Variants in ENOX2 observed in about 807,000 individuals in gnomAD.
ENOX2 encodes the protein APK1 antigen.
In ENOX2, 36 loss-of-function variants were observed where a neutral mutation model predicts 45.0. The ratio of observed to expected loss-of-function variants is 0.80; its 90% confidence interval spans 0.61 to 1.06. The LOEUF (loss-of-function observed/expected upper bound fraction) is 1.06, where lower values mean the gene tolerates loss of function less well. ENOX2 is among the 50% of genes least tolerant of loss of function. ENOX2 has a pLI of 0.00. For synonymous variants in ENOX2, 174 were observed against 152.3 expected (o/e 1.14, Z -1.05); for missense variants, 423 against 462.5 (o/e 0.91, Z 0.78).
intron 3 of ENOX2, among the ~76,000 whole-genome samples, chrX:130,709,841 G>A (rs1173981508): frequency 9.3e-6 from 1 of 107,687 alleles, no homozygotes; most frequent in African/African-American, 3.4e-5. Flanking sequence ...AGGTATACAC[G>A]TGCCATGGTA....
intron 4 of ENOX2, among the ~76,000 whole-genome samples, chrX:130,696,290 ACTGTGTT>A (rs2037758158): frequency 9.0e-6 from 1 of 111,083 alleles, no homozygotes; most frequent in Admixed American, 9.5e-5. Flanking sequence ...ATTCATTTAC[ACTGTGTT>A]CTTGCCTTTT....
intron 2 of ENOX2, among the ~76,000 whole-genome samples, chrX:130,810,549 C>T (rs2148446990): frequency 8.9e-6 from 1 of 112,225 alleles, no homozygotes; most frequent in African/African-American, 3.2e-5. Context: ...TTCCAGGCTT[C>T]AGACTAACCC....
At chrX:130,691,015 G>GTA (rs1328039627) in intron 4 of ENOX2, among the ~76,000 whole-genome samples, 1 of 110,160 alleles carries the variant, frequency 9.1e-6, no homozygotes, top group African/African-American at 3.3e-5. Flanking sequence ...CAACTTGCAT[G>GTA]TACACACACA....
intron 2 of ENOX2, among the ~76,000 whole-genome samples, chrX:130,808,295 G>T (rs1381049401): frequency 2.7e-5 from 3 of 111,988 alleles, no homozygotes; most frequent in Non-Finnish European, 5.6e-5. Context: ...AGTACATTAG[G>T]TATGTTAGCA....
intron 2 of ENOX2, among the ~76,000 whole-genome samples, chrX:130,795,341 T>A (rs948420273): frequency 8.9e-6 from 1 of 111,762 alleles, no homozygotes; most frequent in African/African-American, 3.3e-5. Context: ...ACAGCATGAC[T>A]GTAAAGTAAA....
intron 3 of ENOX2, among the ~76,000 whole-genome samples, chrX:130,753,460 G>A (rs1333814430): frequency 9.0e-6 from 1 of 111,019 alleles, no homozygotes; most frequent in Admixed American, 9.6e-5. Flanking sequence ...CTGCCTTTCT[G>A]TTTTTCCATC....
chrX:130,713,094 T>C lies in ENOX2; in HGVS notation c.-38-9840A>G, dbSNP rs186129180. 4.4e-5 allele frequency among the ~76,000 whole-genome samples: 5 copies of C among 112,639 alleles called. No individual in the cohort carries two copies. The East Asian group carries it at 8.4e-4, about 19-fold the overall frequency. ...GCCACAGATACAGTTAATGTTGGAA[T>C]TGGAATTCAAATTCAGGAAGTATGG... is the stretch of plus-strand genomic sequence containing the variant. On this transcript the variant is annotated intron_variant, in intron 3 of 14. Transcript: ENST00000394363.
At chrX:130,843,943 C>T (rs1296616474) in intron 2 of ENOX2, among the ~76,000 whole-genome samples, 1 of 112,036 alleles carries the variant, frequency 8.9e-6, no homozygotes, top group Non-Finnish European at 1.9e-5. Context: ...ATTTGGTGTC[C>T]GTGGCACTTA....
At chrX:130,761,662 G>C (rs183831180) in intron 3 of ENOX2, among the ~76,000 whole-genome samples, 1 of 111,408 alleles carries the variant, frequency 9.0e-6, no homozygotes, top group Non-Finnish European at 1.9e-5. Context: ...CAAAATGGGG[G>C]ACAGGCATGT....
chrX:130,869,210 T>C (rs955063720), intron 2 of ENOX2, among the ~76,000 whole-genome samples: 1 of 111,029 alleles, frequency 9.0e-6, no homozygotes, highest in African/African-American at 3.3e-5. Context: ...ATAACTGATC[T>C]TTCTGCCTCC....
intron 2 of ENOX2, among the ~76,000 whole-genome samples, chrX:130,819,659 G>A (rs1245458084): frequency 9.0e-6 from 1 of 111,448 alleles, no homozygotes; most frequent in Non-Finnish European, 1.9e-5. Flanking sequence ...TCACTCATAA[G>A]TGGGAGTTGA....
intron 2 of ENOX2, among the ~76,000 whole-genome samples, chrX:130,835,599 A>C (rs773563883): frequency 9.0e-6 from 1 of 111,652 alleles, no homozygotes; most frequent in Non-Finnish European, 1.9e-5. Context: ...GGCAGAAAGC[A>C]GCATAACATA....
At chrX:130,724,926 A>G (rs1409844869) in intron 3 of ENOX2, among the ~76,000 whole-genome samples, 1 of 111,106 alleles carries the variant, frequency 9.0e-6, no homozygotes, top group Non-Finnish European at 1.9e-5. Context: ...TTAAACTGGT[A>G]TGACTGTCCA....
At chrX:130,694,146 A>T (rs2037688815) in intron 4 of ENOX2, among the ~76,000 whole-genome samples, 1 of 112,184 alleles carries the variant, frequency 8.9e-6, no homozygotes, top group Admixed American at 9.5e-5. Flanking sequence ...TAATAAAATG[A>T]TTGTGTTTTA....
intron 5 of ENOX2, among the ~76,000 whole-genome samples, chrX:130,680,141 T>G (rs1411898145): frequency 8.9e-6 from 1 of 112,227 alleles, no homozygotes; most frequent in Non-Finnish European, 1.9e-5. Context: ...CCAGGGTTCC[T>G]GAGGAAGGAT....
intron 3 of ENOX2, among the ~76,000 whole-genome samples, chrX:130,703,863 T>C (rs2037970113): frequency 1.8e-5 from 2 of 110,735 alleles, no homozygotes; most frequent in African/African-American, 6.6e-5. Context: ...CCCTCAAAGG[T>C]TGTACAATAA....
At position 130,658,501 on chromosome X, in the gene ENOX2, T is replaced by A. The variant is rs1051720648; in HGVS notation, c.1015-1806A>T. 5.4e-5 allele frequency among the ~76,000 whole-genome samples: 6 copies of A among 111,906 alleles called. No individual in the cohort carries two copies. The Admixed American group carries it at 5.7e-4, about 11-fold the overall frequency. On this transcript the variant is annotated intron_variant, in intron 9 of 14. Transcript: ENST00000394363. ...AATAAGGGTTGGCAATTTCTGAAAT[T>A]TGATGAAAGACATTAATCTACATAT...
intron 3 of ENOX2, among the ~76,000 whole-genome samples, chrX:130,705,926 C>T (rs2038026248): frequency 9.0e-6 from 1 of 111,594 alleles, no homozygotes; most frequent in Non-Finnish European, 1.9e-5. Flanking sequence ...CCAATACATT[C>T]CATTTTTCTC....
chrX:130,721,277 T>A (rs2038468412), intron 3 of ENOX2, among the ~76,000 whole-genome samples: 1 of 112,013 alleles, frequency 8.9e-6, no homozygotes, highest in African/African-American at 3.2e-5. Context: ...AGAAGGCAGA[T>A]AATCTGTGTT....
Sources: gnomAD v4.1 joint callset for allele counts (sites outside exome capture counted in the v4.1 genomes callset) on GRCh38, gnomAD v4.1.1 for gene constraint, MANE v1.5 for transcripts, NCBI Gene and HGNC (gene_info 2026-07-23, HGNC 2026-07-21) for gene names.